LITAF: variants seen among roughly 807,000 people sequenced by gnomAD.
The protein encoded by LITAF is lipopolysaccharide induced TNF factor, also known as lipopolysaccharide-induced tumor necrosis factor-alpha factor.
A neutral mutation model predicts 14.5 loss-of-function variants in LITAF; 9 were observed. The ratio of observed to expected loss-of-function variants is 0.62; its 90% CI spans 0.37 to 1.08. LITAF has a LOEUF of 1.08. LITAF is among the 50% of genes least tolerant of loss of function. The pLI, the probability that LITAF is intolerant of heterozygous loss-of-function variation, is 0.01. For synonymous variants in LITAF, 98 were observed against 88.2 expected (o/e 1.11, Z -0.62); for missense variants, 206 against 213.4 (o/e 0.97, Z 0.22).
intron 1 of LITAF, among the ~76,000 whole-genome samples, chr16:11,565,537 G>A (rs543303498): frequency 1.3e-4 from 20 of 152,178 alleles, no homozygotes; most frequent in Middle Eastern, 3.4e-3. Context: ...GAGCCTCTAA[G>A]TTGGCTGCTG....
At chr16:11,606,294 GA>G (rs1324692738) in intron 3 of LITAF, among the ~76,000 whole-genome samples, 5 of 151,704 alleles carry the variant, frequency 3.3e-5, no homozygotes, top group Non-Finnish European at 7.4e-5. Context: ...TCAGCCTCCC[GA>G]GTAGCTGGGA....
intron 3 of LITAF, among the ~76,000 whole-genome samples, chr16:11,626,363 T>C (rs76097634): frequency 6.7e-6 from 1 of 149,888 alleles, no homozygotes; most frequent in Non-Finnish European, 1.5e-5. Flanking sequence ...AATTTTTTTT[T>C]AAGACAGTCT....
intron 1 of LITAF, among the ~76,000 whole-genome samples, chr16:11,576,590 A>G (rs2064640433): frequency 6.6e-6 from 1 of 151,588 alleles, no homozygotes; most frequent in Non-Finnish European, 1.5e-5. Context: ...AAGGAAAGGA[A>G]AAATGCTTGT....
intron 3 of LITAF, among the ~76,000 whole-genome samples, chr16:11,607,545 GAA>G (rs35035989): frequency 1.4e-5 from 2 of 142,104 alleles, no homozygotes; most frequent in African/African-American, 2.6e-5. Context: ...TATCATTCGG[GAA>G]AAAAAAAAAA....
At chr16:11,580,419 G>A (rs8055928) in intron 1 of LITAF, among the ~76,000 whole-genome samples, 37,335 of 151,914 alleles carry the variant, frequency 0.25, 5,727 homozygotes, top group Non-Finnish European at 0.34. Context: ...CACCACACCC[G>A]GCTAATTTTT....
At chr16:11,624,195 T>G (rs1287804802) in intron 3 of LITAF, among the ~76,000 whole-genome samples, 3 of 152,202 alleles carry the variant, frequency 2.0e-5, no homozygotes, top group Admixed American at 6.5e-5. Context: ...GATTGTATCA[T>G]TCATTATCAG....
intron 3 of LITAF, among the ~76,000 whole-genome samples, chr16:11,606,981 A>G (rs1331373630): frequency 6.6e-6 from 1 of 152,116 alleles, no homozygotes; most frequent in African/African-American, 2.4e-5. Flanking sequence ...GCGAAGTGCT[A>G]TTCCTGTCCT....
At chr16:11,623,847 AT>A (rs2065066897) in intron 3 of LITAF, among the ~76,000 whole-genome samples, 1 of 150,130 alleles carries the variant, frequency 6.7e-6, no homozygotes, top group Non-Finnish European at 1.5e-5. Context: ...GGCGCCTGTA[AT>A]CCCAGCTACT....
intron 1 of LITAF, among the ~76,000 whole-genome samples, chr16:11,580,831 C>G (rs1401350531): frequency 6.6e-6 from 1 of 152,196 alleles, no homozygotes; most frequent in Non-Finnish European, 1.5e-5. Context: ...GTGGCACTAT[C>G]TCGGCTCACT....
At chr16:11,617,663 C>T (rs1188572949) in intron 3 of LITAF, among the ~76,000 whole-genome samples, 1 of 151,696 alleles carries the variant, frequency 6.6e-6, no homozygotes, top group Non-Finnish European at 1.5e-5. Flanking sequence ...CTGACCTTGT[C>T]ATCCGCCCGC....
chr16:11,580,104 A>G (rs2064709580), intron 1 of LITAF, among the ~76,000 whole-genome samples: 1 of 152,216 alleles, frequency 6.6e-6, no homozygotes, highest in South Asian at 2.1e-4. Context: ...GGATTTTTGG[A>G]TTAGAGATGC....
chr16:11,587,485 T>C (rs2064821016), upstream of LITAF: 1 of 453,646 alleles, frequency 2.2e-6, no homozygotes, highest in South Asian at 1.6e-5. Flanking sequence ...CGGCTTCCTG[T>C]CTGCAAAATG....
intron 1 of LITAF, among the ~76,000 whole-genome samples, chr16:11,557,078 G>GTTTTTTTGT (rs1555467037): frequency 4.7e-5 from 7 of 148,228 alleles, no homozygotes; most frequent in African/African-American, 5.0e-5. Context: ...TTTTTTGTTT[G>GTTTTTTTGT]TTTTTTTGTG....
upstream of LITAF, chr16:11,587,599 T>A (rs2141845410): frequency 7.4e-6 from 2 of 270,824 alleles, no homozygotes. Flanking sequence ...ATCAGCTGCC[T>A]GTCCGCTTTG....
chr16:11,604,765 CTT>C (rs56271737), intron 3 of LITAF, among the ~76,000 whole-genome samples: 2 of 142,544 alleles, frequency 1.4e-5, no homozygotes, highest in East Asian at 2.0e-4. Flanking sequence ...CTTTTCTTTT[CTT>C]TTTTTTTTTT....
intron 3 of LITAF, among the ~76,000 whole-genome samples, chr16:11,616,193 G>T (rs937623075): frequency 6.6e-6 from 1 of 152,158 alleles, no homozygotes; most frequent in African/African-American, 2.4e-5. Flanking sequence ...CTGGAATAGT[G>T]CTGGACACCG....
chr16:11,552,983 T>C (rs2064204548), intron 3 of LITAF, among the ~76,000 whole-genome samples: 1 of 150,990 alleles, frequency 6.6e-6, no homozygotes, highest in South Asian at 2.1e-4. Context: ...GGCCTGACGG[T>C]GCACACCTGT....
chr16:11,570,907 G>A (rs886127387), intron 1 of LITAF, among the ~76,000 whole-genome samples: 2 of 151,966 alleles, frequency 1.3e-5, no homozygotes, highest in African/African-American at 4.8e-5. Context: ...AACAGAGCAA[G>A]ACCTCTGTTG....
intron 3 of LITAF, among the ~76,000 whole-genome samples, chr16:11,616,314 A>C (rs1026906949): frequency 9.9e-5 from 15 of 151,974 alleles, no homozygotes; most frequent in Non-Finnish European, 4.4e-5. Flanking sequence ...TCTCTAAAAA[A>C]ATTTTTTATT....
Sources: gnomAD v4.1 joint callset for allele counts (sites outside exome capture counted in the v4.1 genomes callset) on GRCh38, gnomAD v4.1.1 for gene constraint, MANE v1.5 for transcripts, NCBI Gene and HGNC (gene_info 2026-07-23, HGNC 2026-07-21) for gene names.